The following RANBP2 variants were observed in gnomAD, a reference collection of about 807,000 sequenced individuals.
RANBP2 encodes the protein E3 SUMO-protein ligase RanBP2.
In RANBP2, 57 loss-of-function variants were observed where a neutral mutation model predicts 303.6. The ratio of observed to expected loss-of-function variants is 0.19; its 90% CI spans 0.15 to 0.23. The LOEUF (loss-of-function observed/expected upper bound fraction) is 0.23, where lower values mean the gene tolerates loss of function less well. Among genes scored for constraint, RANBP2 ranks in the 10% least tolerant of loss-of-function variants. The pLI, the probability that RANBP2 is intolerant of heterozygous loss-of-function variation, is 1.00. For synonymous variants in RANBP2, 1,167 were observed against 1,301.5 expected (o/e 0.90, Z 2.23); for missense variants, 3,138 against 3,780.8 (o/e 0.83, Z 4.46).
intron 25 of RANBP2, 61 bp from the exon 26 acceptor site, chr2:108,781,208 A>G (rs1678233671): frequency 1.3e-6 from 2 of 1,506,388 alleles, no homozygotes; most frequent in South Asian, 1.1e-5. Flanking sequence ...ATAAAATAAG[A>G]GGGGGATGAA....
At chr2:109,619,699 A>C in the RANBP2 span, among the ~76,000 whole-genome samples, 1 of 152,250 alleles carries the variant, frequency 6.6e-6, no homozygotes, top group Non-Finnish European at 1.5e-5. Flanking sequence ...TTTCCTTAGA[A>C]GTACATGTCT....
the RANBP2 span, among the ~76,000 whole-genome samples, chr2:109,415,432 A>C: frequency 6.6e-5 from 10 of 151,956 alleles, no homozygotes; most frequent in African/African-American, 2.4e-4. Context: ...GCCATGGTAG[A>C]CTCTGCACAG....
chr2:108,836,512 A>G, the RANBP2 span, among the ~76,000 whole-genome samples: 4 of 152,214 alleles, frequency 2.6e-5, no homozygotes, highest in African/African-American at 4.8e-5. Context: ...CCCTTTGGAC[A>G]TATACCCAGA....
At chr2:109,258,233 A>G in the RANBP2 span, among the ~76,000 whole-genome samples, 1 of 152,176 alleles carries the variant, frequency 6.6e-6, no homozygotes, top group East Asian at 1.9e-4. Context: ...AGTGGGGGAC[A>G]GCCTGGCGCT....
chr2:109,374,536 G>A, the RANBP2 span, among the ~76,000 whole-genome samples: 1 of 152,170 alleles, frequency 6.6e-6, no homozygotes, highest in Admixed American at 6.5e-5. Context: ...TGTTTGCAGG[G>A]TTCCTGAGAG....
chr2:108,931,535 G>A, the RANBP2 span, among the ~76,000 whole-genome samples: 1 of 152,196 alleles, frequency 6.6e-6, no homozygotes, highest in African/African-American at 2.4e-5. Context: ...AAGTGGACAA[G>A]TCCAATAACC....
At chr2:109,477,279 G>A in the RANBP2 span, among the ~76,000 whole-genome samples, 5 of 152,156 alleles carry the variant, frequency 3.3e-5, no homozygotes, top group Admixed American at 6.5e-5. Context: ...GTCACTCCCC[G>A]TTCCTGCACA....
At chr2:109,076,959 A>G in the RANBP2 span, among the ~76,000 whole-genome samples, 1 of 150,614 alleles carries the variant, frequency 6.6e-6, no homozygotes, top group East Asian at 1.9e-4. Flanking sequence ...AGAAGAAGAA[A>G]GTTAGAGTCA....
chr2:109,496,270 C>T, the RANBP2 span, among the ~76,000 whole-genome samples: 1 of 152,072 alleles, frequency 6.6e-6, no homozygotes, highest in Non-Finnish European at 1.5e-5. Context: ...TTATAATCCT[C>T]TTGCTAGCTA....
chr2:108,770,805 C>T (rs1396287512), intron 20 of RANBP2, among the ~76,000 whole-genome samples: 3 of 152,096 alleles, frequency 2.0e-5, no homozygotes, highest in African/African-American at 7.2e-5. Flanking sequence ...TTGTTTTTCA[C>T]CAAGTCTTCA....
chr2:109,586,195 T>C, the RANBP2 span, among the ~76,000 whole-genome samples: 10 of 152,298 alleles, frequency 6.6e-5, no homozygotes, highest in East Asian at 1.9e-3. Flanking sequence ...TACATTAAAA[T>C]GTCAAGTGAA....
At chr2:109,431,162 G>A in the RANBP2 span, among the ~76,000 whole-genome samples, 1 of 152,154 alleles carries the variant, frequency 6.6e-6, no homozygotes, top group Non-Finnish European at 1.5e-5. Flanking sequence ...CATCAGGAGG[G>A]TGCAATGGTG....
chr2:108,867,443 C>G, the RANBP2 span, among the ~76,000 whole-genome samples: 2 of 152,174 alleles, frequency 1.3e-5, no homozygotes, highest in Non-Finnish European at 2.9e-5. Flanking sequence ...GGAAAAATGG[C>G]AGACTAGGAA....
intron 1 of RANBP2, 109 bp from the exon 2 acceptor site, chr2:108,729,023 T>C (rs1410805474): frequency 2.3e-6 from 3 of 1,318,080 alleles, no homozygotes; most frequent in Non-Finnish European, 3.1e-6. Flanking sequence ...TTTAAGTGAA[T>C]GAAAGTGGCG....
chr2:109,125,423 C>A, the RANBP2 span, among the ~76,000 whole-genome samples: 1 of 152,224 alleles, frequency 6.6e-6, no homozygotes, highest in Non-Finnish European at 1.5e-5. Flanking sequence ...TTCCTCTGAG[C>A]TTTTTCTCCT....
the RANBP2 span, chr2:109,432,664 G>A: frequency 4.6e-5 from 74 of 1,611,138 alleles, no homozygotes; most frequent in East Asian, 8.9e-5. Context: ...CGTGACACCC[G>A]TTTCCAGGTG....
chr2:109,002,860 T>G, the RANBP2 span, among the ~76,000 whole-genome samples: 2 of 152,132 alleles, frequency 1.3e-5, no homozygotes, highest in African/African-American at 2.4e-5. Context: ...CCTTACCCAT[T>G]TTTACCTATG....
chr2:108,783,548 T>G (rs1678407333), intron 28 of RANBP2, 48 bp from the exon 29 acceptor site: 1 of 1,424,904 alleles, frequency 7.0e-7, no homozygotes, highest in Admixed American at 1.8e-5. Flanking sequence ...AGGATTCCTA[T>G]TAATTGAAAA....
the RANBP2 span, among the ~76,000 whole-genome samples, chr2:109,222,296 G>C: frequency 6.6e-6 from 1 of 152,252 alleles, no homozygotes; most frequent in South Asian, 2.1e-4. Flanking sequence ...AGGGTGATTA[G>C]TTAACAACAA....
Sources: gnomAD v4.1 joint callset for allele counts (sites outside exome capture counted in the v4.1 genomes callset) on GRCh38, gnomAD v4.1.1 for gene constraint, MANE v1.5 for transcripts, NCBI Gene and HGNC (gene_info 2026-07-23, HGNC 2026-07-21) for gene names.